The following PRMT8 variants were observed in gnomAD, a reference collection of about 807,000 sequenced individuals.
PRMT8 encodes the protein protein arginine N-methyltransferase 8.
PRMT8 carries 7 observed loss-of-function variants against 47.1 expected under a neutral mutation model. The ratio of observed to expected loss-of-function variants is 0.15; its 90% CI spans 0.08 to 0.28. The LOEUF (loss-of-function observed/expected upper bound fraction) is 0.28, where lower values mean the gene tolerates loss of function less well. PRMT8 is among the 10% of genes least tolerant of loss of function. The probability of loss-of-function intolerance (pLI) is 1.00; values close to 1 mark genes in which losing one functional copy is unlikely to be tolerated. For synonymous variants in PRMT8, 188 were observed against 186.5 expected, an observed-to-expected ratio of 1.01 and a Z score of -0.07; for missense variants, 237 against 505.4, an observed-to-expected ratio of 0.47 and a Z score of 5.09.
intron 1 of PRMT8, among the ~76,000 whole-genome samples, chr12:3,385,790 G>C (rs1864132455): frequency 6.6e-6 from 1 of 152,142 alleles, no homozygotes; most frequent in Non-Finnish European, 1.5e-5. Flanking sequence ...CCTGTGCAAG[G>C]CTTCCAGGAA....
chr12:3,464,786 A>G (rs1865075463), intron 1 of PRMT8, among the ~76,000 whole-genome samples: 1 of 152,176 alleles, frequency 6.6e-6, no homozygotes, highest in Admixed American at 6.5e-5. Flanking sequence ...AGCAAGTTTC[A>G]ATCTTTCATT....
chr12:3,581,421 G>A lies in PRMT8; in HGVS notation c.829-1637G>A, dbSNP rs570950614. Among the ~76,000 whole-genome samples, 23 of 152,192 alleles carry A rather than the reference G, an allele frequency of 1.5e-4. No homozygotes were observed. The South Asian group carries it at 2.9e-3, about 19-fold the overall frequency. On this transcript the variant is annotated intron_variant, in intron 7 of 9. Transcript: ENST00000382622. ...CTAATGACTGGAGATGCCAGGACGT[G>A]GACTGATCTGCCTGGCAGATGGTGA...
chr12:3,543,169 T>C (rs1021441908), intron 2 of PRMT8, among the ~76,000 whole-genome samples: 3 of 152,230 alleles, frequency 2.0e-5, no homozygotes, highest in African/African-American at 7.2e-5. Context: ...ACATCTAGCT[T>C]AAATCCCTCC....
chr12:3,386,144 T>C (rs887294585), intron 1 of PRMT8, among the ~76,000 whole-genome samples: 1 of 152,262 alleles, frequency 6.6e-6, no homozygotes, highest in Admixed American at 6.5e-5. Flanking sequence ...TACCAGGCTA[T>C]GGGACCCTCT....
At chr12:3,558,159 T>G (rs1428812012) in intron 4 of PRMT8, among the ~76,000 whole-genome samples, 14 of 152,008 alleles carry the variant, frequency 9.2e-5, no homozygotes, top group Non-Finnish European at 1.8e-4. Context: ...GGCATCTCTG[T>G]CCTGCTTGCC....
At chr12:3,546,522 A>G (rs1410167694) in intron 2 of PRMT8, among the ~76,000 whole-genome samples, 1 of 152,240 alleles carries the variant, frequency 6.6e-6, no homozygotes, top group Non-Finnish European at 1.5e-5. Context: ...ACAGATACTC[A>G]ACAGGCAATG....
chr12:3,525,145 C>T (rs1050817434), intron 1 of PRMT8, among the ~76,000 whole-genome samples: 2 of 152,140 alleles, frequency 1.3e-5, no homozygotes, highest in Admixed American at 1.3e-4. Context: ...TGGCTTGAAC[C>T]TGGGAGGCAG....
intron 1 of PRMT8, among the ~76,000 whole-genome samples, chr12:3,428,945 C>A (rs970298473): frequency 6.7e-6 from 1 of 148,458 alleles, no homozygotes; most frequent in Non-Finnish European, 1.5e-5. Context: ...TCTGTCTCTT[C>A]CTCTCTCCGC....
chr12:3,389,766 C>A, intron 1 of PRMT8, among the ~76,000 whole-genome samples: 1 of 152,210 alleles, frequency 6.6e-6, no homozygotes. Flanking sequence ...AACATAGCTC[C>A]ATTACTCAGA....
At chr12:3,433,985 A>G (rs1864710433) in intron 1 of PRMT8, among the ~76,000 whole-genome samples, 1 of 152,212 alleles carries the variant, frequency 6.6e-6, no homozygotes, top group Admixed American at 6.5e-5. Flanking sequence ...ACGAGCACAG[A>G]CATTCACAAA....
chr12:3,592,210 C>A, intron 8 of PRMT8, 21 bp from the exon 9 acceptor site: 1 of 1,549,796 alleles, frequency 6.5e-7, no homozygotes. Context: ...TTCCCACCTC[C>A]CCTGTTCTCT....
rs748756643 is a variant in PRMT8 at position 3,565,697 on chromosome 12, CGTCT to C, written c.482-3004_482-3001del. 1.6e-4 allele frequency among the ~76,000 whole-genome samples: 25 copies of C among 152,238 alleles called. 1 individual carries two copies. The highest frequency in any genetic ancestry group is 1.2e-3 in the East Asian group (6 of 5,186). The stretch of plus-strand genomic sequence containing the variant: ...GCTATCATCTATCTGTCTTCTATAT[CGTCT>C]GTCTATCTATCAATCATCTCTTGTA... On this transcript the variant is annotated intron_variant, in intron 4 of 9. Transcript: ENST00000382622.
intron 1 of PRMT8, among the ~76,000 whole-genome samples, chr12:3,495,830 G>C (rs1332159289): frequency 6.6e-6 from 1 of 152,156 alleles, no homozygotes; most frequent in Non-Finnish European, 1.5e-5. Flanking sequence ...CCTGTCTGCT[G>C]TACTTAGTTG....
intron 7 of PRMT8, 141 bp downstream of exon 7, chr12:3,577,127 A>G: frequency 1.5e-6 from 1 of 680,424 alleles, no homozygotes; most frequent in East Asian, 2.7e-5. Context: ...ATGCTCCCTA[A>G]GCTCAAGTCA....
At chr12:3,474,543 G>T (rs1865190979) in intron 1 of PRMT8, among the ~76,000 whole-genome samples, 1 of 152,046 alleles carries the variant, frequency 6.6e-6, no homozygotes, top group Non-Finnish European at 1.5e-5. Context: ...CCCCAGAGAA[G>T]CTGTGCCTCA....
chr12:3,497,471 G>A (rs571290059), intron 1 of PRMT8, among the ~76,000 whole-genome samples: 57 of 152,226 alleles, frequency 3.7e-4, no homozygotes, highest in Non-Finnish European at 4.9e-4. Context: ...AGTCACCTTC[G>A]TTTATGTTAT....
Position 3,508,101 on chromosome 12 carries a change from GC to G in PRMT8, c.75+16402del, listed in dbSNP as rs963114351. 1.3e-5 allele frequency among the ~76,000 whole-genome samples: 2 copies of G among 152,306 alleles called. No homozygotes were observed. Among genetic ancestry groups the G allele is most frequent in the African/African-American group, 2.4e-5 (1 of 41,556 alleles). The stretch of plus-strand genomic sequence containing the variant: ...ATTTGATAATGGGATACGACATAAA[GC>G]TGGTAGATGTTTTCTTCTTTTTCTT... On this transcript the variant is annotated intron_variant, in intron 1 of 9. Coordinates refer to ENST00000382622, the MANE Select transcript of PRMT8 (RefSeq NM_019854.5). This position sits in a 1 kb window ranked among gnomAD's most constrained non-coding sequence, Gnocchi z 4.9.
rs143195841 is a variant in PRMT8 at position 3,585,121 on chromosome 12, C to T, written c.979+1913C>T. 2.1e-3 allele frequency among the ~76,000 whole-genome samples: 318 copies of T among 152,192 alleles called. 1 individual carries two copies. The highest frequency in any genetic ancestry group is 7.5e-3 in the African/African-American group (310 of 41,506). Reference sequence around the variant, plus strand: ...ATCTCAGTGATCTCTGCATTCCTGTCTTCTAAAGCACAGTTCTAAACAAAT... The same window carrying T: ...ATCTCAGTGATCTCTGCATTCCTGTTTTCTAAAGCACAGTTCTAAACAAAT... On this transcript the variant is annotated intron_variant, in intron 8 of 9. Coordinates refer to ENST00000382622, the MANE Select transcript of PRMT8 (RefSeq NM_019854.5).
chr12:3,459,457 A>G (rs1286042649), intron 1 of PRMT8, among the ~76,000 whole-genome samples: 1 of 152,208 alleles, frequency 6.6e-6, no homozygotes, highest in African/African-American at 2.4e-5. Context: ...AGCCCTGTGT[A>G]GCAAATCCAG....
Sources: gnomAD v4.1 joint callset for allele counts (sites outside exome capture counted in the v4.1 genomes callset) on GRCh38, gnomAD v4.1.1 for gene constraint, Gnocchi (gnomAD v3.1) non-coding constraint, MANE v1.5 for transcripts, NCBI Gene and HGNC (gene_info 2026-07-23, HGNC 2026-07-21) for gene names.